The following FILIP1 variants were observed in gnomAD, a reference collection of about 807,000 sequenced individuals.
FILIP1 encodes filamin A interacting protein 1, also known as filamin-A-interacting protein 1.
A neutral mutation model predicts 102.1 loss-of-function variants in FILIP1; 61 were observed. The observed-to-expected ratio is 0.60, with a 90% CI of 0.49 to 0.74. FILIP1 has a LOEUF of 0.74. Among genes scored for constraint, FILIP1 ranks in the 30% least tolerant of loss-of-function variants. The pLI is 0.00. For synonymous variants in FILIP1, 491 were observed against 526.9 expected, an observed-to-expected ratio of 0.93 and a Z score of 0.93; for missense variants, 1,314 against 1,441.2, an observed-to-expected ratio of 0.91 and a Z score of 1.43.
At chr6:75,483,854 T>C (rs1023513380) in intron 1 of FILIP1, among the ~76,000 whole-genome samples, 1 of 152,126 alleles carries the variant, frequency 6.6e-6, no homozygotes, top group Non-Finnish European at 1.5e-5. Flanking sequence ...CCTGGACTCA[T>C]CCCAGACTTG....
chr6:75,301,966 T>C (rs1261519513), intron 6 of FILIP1, among the ~76,000 whole-genome samples: 1 of 152,162 alleles, frequency 6.6e-6, no homozygotes, highest in Non-Finnish European at 1.5e-5. Context: ...ATTTTGAGGG[T>C]CCTTCATGAA....
At chr6:75,348,060 T>TACACACACACAC (rs1320631156) in intron 4 of FILIP1, among the ~76,000 whole-genome samples, 9 of 54,702 alleles carry the variant, frequency 1.6e-4, no homozygotes, top group Admixed American at 6.6e-4. Context: ...CCACATCAGT[T>TACACACACACAC]ATACACACAC....
At chr6:75,372,905 G>A (rs1775624668) in intron 2 of FILIP1, among the ~76,000 whole-genome samples, 1 of 152,124 alleles carries the variant, frequency 6.6e-6, no homozygotes. Flanking sequence ...TAGTATGTCA[G>A]TTCCTCAAAA....
chr6:75,449,859 G>T (rs547237344), intron 1 of FILIP1, among the ~76,000 whole-genome samples: 16 of 152,240 alleles, frequency 1.1e-4, no homozygotes, highest in Admixed American at 1.0e-3. Context: ...ATGATAACCA[G>T]TTAGGAACAA....
intron 4 of FILIP1, among the ~76,000 whole-genome samples, chr6:75,347,020 T>C (rs1774608721): frequency 6.6e-6 from 1 of 152,140 alleles, no homozygotes; most frequent in African/African-American, 2.4e-5. Context: ...TGAAGGTCTG[T>C]GAATTTGAAC....
At chr6:75,442,050 G>A (rs1398923257) in intron 1 of FILIP1, among the ~76,000 whole-genome samples, 1 of 151,672 alleles carries the variant, frequency 6.6e-6, no homozygotes, top group African/African-American at 2.4e-5. Flanking sequence ...GGCGGCTGCC[G>A]GGTGGAGGGG....
chr6:75,314,844 G>A lies in FILIP1; in HGVS notation c.988C>T (p.Gln330Ter), dbSNP rs1215648955. Residue 330 changes from glutamine (Q) to a stop codon, truncating the protein, a stop_gained, in exon 5 of 6, where the codon CAA becomes TAA. Coordinates refer to ENST00000237172, the MANE Select transcript of FILIP1 (RefSeq NM_015687.5). LOFTEE classifies it high-confidence loss of function. ...AAGCCAACCAGCTTGAGTCTAAGTT[G>A]CCTATTGTGAGACTCTTGATTAGCC... is the stretch of plus-strand genomic sequence containing the variant. Reference protein sequence around the residue: ...KLANQESHNRQLRLKLVGLTQ... With the variant: ...KLANQESHNR 3 of 1,613,930 alleles carry A rather than the reference G, an allele frequency of 1.9e-6. No individual in the cohort carries two copies. The highest frequency in any genetic ancestry group is 2.5e-6 in the Non-Finnish European group (3 of 1,180,024).
intron 2 of FILIP1, among the ~76,000 whole-genome samples, chr6:75,372,708 A>AG: frequency 1.3e-4 from 6 of 47,280 alleles, no homozygotes; most frequent in Non-Finnish European, 1.6e-4. Context: ...AAAGAAAGAA[A>AG]GAAAGGAAAG....
At chr6:75,364,706 A>C (rs1775272355) in intron 2 of FILIP1, among the ~76,000 whole-genome samples, 1 of 152,222 alleles carries the variant, frequency 6.6e-6, no homozygotes, top group Non-Finnish European at 1.5e-5. Context: ...ACACTTTTTA[A>C]GGCTCCCAGG....
intron 1 of FILIP1, among the ~76,000 whole-genome samples, chr6:75,442,329 G>A (rs1778292248): frequency 6.6e-6 from 1 of 152,132 alleles, no homozygotes; most frequent in Non-Finnish European, 1.5e-5. Context: ...AGGCAGAGAC[G>A]CTCCTCACTT....
At chr6:75,346,365 T>C (rs1774584648) in intron 4 of FILIP1, among the ~76,000 whole-genome samples, 3 of 152,222 alleles carry the variant, frequency 2.0e-5, no homozygotes, top group Non-Finnish European at 2.9e-5. Flanking sequence ...GAGTCTTTAA[T>C]CAGAGGCTGT....
intron 6 of FILIP1, among the ~76,000 whole-genome samples, chr6:75,297,629 A>G (rs1772718863): frequency 6.6e-6 from 1 of 152,188 alleles, no homozygotes; most frequent in South Asian, 2.1e-4. Flanking sequence ...AAATATATCA[A>G]AATCTTCAGG....
At chr6:75,460,099 C>CA (rs1165846738) in intron 1 of FILIP1, among the ~76,000 whole-genome samples, 5 of 152,078 alleles carry the variant, frequency 3.3e-5, no homozygotes, top group African/African-American at 1.2e-4. Context: ...TAAAAGACAA[C>CA]AAAAAATCTC....
At chr6:75,291,994 G>A (rs1003851038) in exon 7 of FILIP1, 1 of 152,176 alleles carries the variant, frequency 6.6e-6, no homozygotes, top group Non-Finnish European at 1.5e-5. Context: ...AAGTAACAGA[G>A]AATGTTTTCA....
intron 5 of FILIP1, 33 bp from the exon 6 acceptor site, chr6:75,308,930 G>C (rs768662209): frequency 1.2e-6 from 2 of 1,608,274 alleles, no homozygotes; most frequent in Non-Finnish European, 1.7e-6. Flanking sequence ...ATACAAGGGA[G>C]ATGTTGGTGA....
At chr6:75,325,995 T>C (rs979938667) in intron 4 of FILIP1, among the ~76,000 whole-genome samples, 7 of 152,074 alleles carry the variant, frequency 4.6e-5, no homozygotes, top group Non-Finnish European at 1.0e-4. Context: ...TGCAAAAATA[T>C]GAAACCAGCC....
intron 3 of FILIP1, among the ~76,000 whole-genome samples, chr6:75,361,559 G>T: frequency 6.6e-6 from 1 of 152,156 alleles, no homozygotes; most frequent in Non-Finnish European, 1.5e-5. Context: ...GGTATGAGCA[G>T]TTATCATTTT....
chr6:75,463,542 T>C (rs1210204287), intron 1 of FILIP1, among the ~76,000 whole-genome samples: 1 of 152,218 alleles, frequency 6.6e-6, no homozygotes, highest in Admixed American at 6.5e-5. Flanking sequence ...GAGTTTCCTA[T>C]GTTAACTCAC....
intron 4 of FILIP1, among the ~76,000 whole-genome samples, chr6:75,346,910 T>C (rs540295900): frequency 1.9e-4 from 29 of 152,340 alleles, no homozygotes; most frequent in African/African-American, 7.0e-4. Context: ...TCACTGGGCC[T>C]CTGAATTCTA....
Sources: allele counts gnomAD v4.1 joint callset (sites outside exome capture counted in the v4.1 genomes callset), GRCh38; gene constraint gnomAD v4.1.1; transcripts MANE v1.5; gene names NCBI Gene and HGNC (gene_info 2026-07-23, HGNC 2026-07-21).